The following CTNNA3 variants were observed in gnomAD, a reference collection of about 807,000 sequenced individuals.
CTNNA3 encodes catenin alpha 3, also known as catenin alpha-3.
Under a neutral mutation model 95.7 loss-of-function variants are expected in CTNNA3, and 76 were observed. The ratio of observed to expected loss-of-function variants is 0.79; its 90% CI spans 0.66 to 0.96. The LOEUF is 0.96. Among genes scored for constraint, CTNNA3 ranks in the 40% least tolerant of loss-of-function variants. The probability of loss-of-function intolerance (pLI) is 0.00; values close to 1 mark genes in which losing one functional copy is unlikely to be tolerated. For synonymous variants in CTNNA3, 431 were observed against 374.4 expected (o/e 1.15, Z -1.74); for missense variants, 1,191 against 1,089.8 (o/e 1.09, Z -1.31).
At chr10:66,513,346 C>A (rs1007851098) in intron 11 of CTNNA3, among the ~76,000 whole-genome samples, 1 of 152,082 alleles carries the variant, frequency 6.6e-6, no homozygotes, top group Non-Finnish European at 1.5e-5. Context: ...ACTGTAGTCA[C>A]CATATGATTT....
In CTNNA3 at chr10:66,902,097, T is replaced by A. The variant is rs116111852; in HGVS notation, c.1048-126573A>T. On this transcript the variant is annotated intron_variant, in intron 7 of 17. Coordinates refer to ENST00000433211, the MANE Select transcript of CTNNA3 (RefSeq NM_013266.4). ...ATATACATTCTTCTCAGCACCACAT[T>A]GCACTTATTATAAAACTGACCACAT... 2.2e-3 allele frequency among the ~76,000 whole-genome samples: 341 copies of A among 152,196 alleles called. 3 individuals are homozygous for A. The highest frequency in any genetic ancestry group is 8.0e-3 in the African/African-American group (333 of 41,536).
intron 7 of CTNNA3, chr10:67,054,638 C>T (rs1328458928): frequency 6.6e-6 from 1 of 152,142 alleles, no homozygotes; most frequent in Admixed American, 6.6e-5. Flanking sequence ...GCAGTATTTC[C>T]AATGGCGGGA....
chr10:66,646,848 C>G (rs565687714), intron 9 of CTNNA3, among the ~76,000 whole-genome samples: 1 of 152,200 alleles, frequency 6.6e-6, no homozygotes, highest in South Asian at 2.1e-4. Flanking sequence ...AGTGGAAACT[C>G]TGAACAAAAT....
intron 7 of CTNNA3, among the ~76,000 whole-genome samples, chr10:66,867,318 G>C (rs1196871533): frequency 6.6e-6 from 1 of 152,178 alleles, no homozygotes; most frequent in Non-Finnish European, 1.5e-5. Flanking sequence ...AGGTTCCACA[G>C]GGTGGACATG....
intron 7 of CTNNA3, among the ~76,000 whole-genome samples, chr10:66,949,077 A>T (rs1483837912): frequency 5.9e-5 from 9 of 152,236 alleles, no homozygotes; most frequent in African/African-American, 2.2e-4. Flanking sequence ...AACATTAGCA[A>T]AAATTTATAA....
rs528256643 is a variant in CTNNA3 at position 67,117,012 on chromosome 10, A to C, written c.1047+63305T>G. Among the ~76,000 whole-genome samples, 4 of 151,920 alleles carry C rather than the reference A, an allele frequency of 2.6e-5. No individual in the cohort carries two copies. In the South Asian group the frequency reaches 8.3e-4, roughly 31 times the overall value. ...TAGCTGATGGTGTAAAAGAGGCTTA[A>C]ATGTGATTCATCTCAAAATCATCAG... is the stretch of plus-strand genomic sequence containing the variant. On this transcript the variant is annotated intron_variant, in intron 7 of 17. Transcript: ENST00000433211.
In CTNNA3 at chr10:66,927,708, G is replaced by A. The variant is rs1847153306; in HGVS notation, c.1048-152184C>T. 1 of 1,614,214 alleles carries A rather than the reference G, an allele frequency of 6.2e-7. No homozygotes were observed. The highest frequency in any genetic ancestry group is 2.2e-5 in the East Asian group (1 of 44,878). On this transcript the variant is annotated intron_variant, in intron 7 of 17. Coordinates refer to ENST00000433211, the MANE Select transcript of CTNNA3 (RefSeq NM_013266.4). The surrounding 1 kb of genome is among the most constrained non-coding windows in gnomAD (Gnocchi z 4.7). ...AAAGGCTTGATTTATCAGGCAATGA[G>A]ATCGAAGCTTTCAGTGGACCCAGTG...
intron 9 of CTNNA3, among the ~76,000 whole-genome samples, chr10:66,693,350 A>G (rs1198453589): frequency 6.9e-6 from 1 of 144,254 alleles, no homozygotes; most frequent in Non-Finnish European, 1.5e-5. Flanking sequence ...AACAAAGATC[A>G]AAAGAGACAA....
At chr10:66,580,888 T>G (rs2132195518) in intron 10 of CTNNA3, among the ~76,000 whole-genome samples, 1 of 151,836 alleles carries the variant, frequency 6.6e-6, no homozygotes, top group African/African-American at 2.4e-5. Flanking sequence ...ATAGGTAGTT[T>G]TTCATTTTTA....
At chr10:66,849,725 G>C (rs866456561) in intron 7 of CTNNA3, among the ~76,000 whole-genome samples, 1 of 152,108 alleles carries the variant, frequency 6.6e-6, no homozygotes, top group Admixed American at 6.6e-5. Flanking sequence ...TCCTAGAACT[G>C]TCAGAAGAAG....
At chr10:66,593,383 G>A (rs1261744347) in intron 10 of CTNNA3, among the ~76,000 whole-genome samples, 2 of 152,114 alleles carry the variant, frequency 1.3e-5, no homozygotes, top group African/African-American at 4.8e-5. Flanking sequence ...GGCCACTCAT[G>A]CACACCACTG....
chr10:67,070,227 C>T (rs1331822440), intron 7 of CTNNA3, among the ~76,000 whole-genome samples: 1 of 152,028 alleles, frequency 6.6e-6, no homozygotes, highest in East Asian at 1.9e-4. Context: ...AAGACTTTTA[C>T]TCACTTTTTT....
chr10:66,533,351 T>C (rs1841537089), intron 10 of CTNNA3, among the ~76,000 whole-genome samples: 3 of 152,154 alleles, frequency 2.0e-5, no homozygotes, highest in African/African-American at 7.2e-5. Context: ...GTCAGTTTCC[T>C]AGATTGTCAC....
intron 5 of CTNNA3, among the ~76,000 whole-genome samples, chr10:67,298,984 G>A (rs372294945): frequency 1.1e-4 from 16 of 151,782 alleles, no homozygotes; most frequent in African/African-American, 1.7e-4. Flanking sequence ...GCAGTAGTGC[G>A]ATCTCCTGGG....
intron 7 of CTNNA3, among the ~76,000 whole-genome samples, chr10:66,905,434 G>A (rs1845946993): frequency 6.6e-6 from 1 of 152,122 alleles, no homozygotes; most frequent in Non-Finnish European, 1.5e-5. Flanking sequence ...ACGAGTTGAT[G>A]GGTGCAGCAA....
intron 12 of CTNNA3, among the ~76,000 whole-genome samples, chr10:66,366,518 A>C (rs1589147525): frequency 1.3e-5 from 2 of 152,118 alleles, no homozygotes; most frequent in Admixed American, 1.3e-4. Flanking sequence ...AACAGTTATT[A>C]GTGCCTTTTT....
rs537108782 is a variant in CTNNA3 at position 67,531,141 on chromosome 10, A to G, written c.459+8362T>C. On this transcript the variant is annotated intron_variant, in intron 4 of 17. Transcript: ENST00000433211. ...CCTCTGTTAGGAAGAGTGGAAGGGA[A>G]ATGTGGTGTTGGAGCCCTCACACAG... 1.5e-4 allele frequency among the ~76,000 whole-genome samples: 23 copies of G among 152,302 alleles called. No individual in the cohort carries two copies. In the East Asian group the frequency reaches 4.2e-3, roughly 28 times the overall value.
intron 7 of CTNNA3, among the ~76,000 whole-genome samples, chr10:66,791,977 ACAC>A (rs1358685523): frequency 3.3e-5 from 5 of 152,218 alleles, no homozygotes; most frequent in Admixed American, 2.0e-4. Context: ...ATGAGGAAAA[ACAC>A]CACTTCTATA....
chr10:67,715,196 C>T (rs1030918600), intron 1 of CTNNA3, among the ~76,000 whole-genome samples: 1 of 152,150 alleles, frequency 6.6e-6, no homozygotes, highest in Non-Finnish European at 1.5e-5. Context: ...TTTTAGAAAC[C>T]AGATGTTGAA....
Sources: gnomAD v4.1 joint callset for allele counts (sites outside exome capture counted in the v4.1 genomes callset) on GRCh38, gnomAD v4.1.1 for gene constraint, Gnocchi (gnomAD v3.1) non-coding constraint, MANE v1.5 for transcripts, NCBI Gene and HGNC (gene_info 2026-07-23, HGNC 2026-07-21) for gene names.